Variants in ARHGAP24 observed in about 807,000 individuals in gnomAD.
ARHGAP24 encodes the protein rho GTPase-activating protein 24.
In ARHGAP24, 50 loss-of-function variants were observed where a neutral mutation model predicts 76.4. The ratio of observed to expected loss-of-function variants is 0.65; its 90% CI spans 0.52 to 0.83. ARHGAP24 has a LOEUF of 0.83. Ranked by LOEUF, ARHGAP24 falls within the 40% of genes least tolerant of loss-of-function variation. The pLI is 0.00. For synonymous variants in ARHGAP24, 345 were observed against 323.3 expected (o/e 1.07, Z -0.72); for missense variants, 930 against 914.2 (o/e 1.02, Z -0.22).
chr4:85,903,873 G>C (rs763572354), intron 3 of ARHGAP24, among the ~76,000 whole-genome samples: 3 of 152,018 alleles, frequency 2.0e-5, no homozygotes, highest in Non-Finnish European at 4.4e-5. Flanking sequence ...GCAAAGAAAA[G>C]TTTCATAAGG....
chr4:85,930,955 G>C, intron 4 of ARHGAP24: 1 of 1,613,578 alleles, frequency 6.2e-7, no homozygotes, highest in Non-Finnish European at 8.5e-7. Flanking sequence ...GAATTCTGGG[G>C]GGTGCCCGGC....
intron 4 of ARHGAP24, among the ~76,000 whole-genome samples, chr4:85,938,271 G>A (rs990829076): frequency 3.3e-5 from 5 of 152,156 alleles, no homozygotes; most frequent in East Asian, 1.9e-4. Flanking sequence ...TACTGGGGAC[G>A]GTTTTGTCAG....
intron 9 of ARHGAP24, among the ~76,000 whole-genome samples, chr4:85,998,862 T>C (rs746659948): frequency 5.3e-5 from 8 of 152,176 alleles, no homozygotes; most frequent in Non-Finnish European, 1.0e-4. Flanking sequence ...TCTGTCCCCA[T>C]GTGAAAAAGA....
rs561651397 is a variant in ARHGAP24 at position 86,001,894 on chromosome 4, C to T, written c.*1172C>T. Reference sequence around the variant, plus strand: ...GGAGAAAAGTTTAGAAGAAACAAACCATTTTGCTTCTAATTTTGACAGTAT... The same window carrying T: ...GGAGAAAAGTTTAGAAGAAACAAACTATTTTGCTTCTAATTTTGACAGTAT... On this transcript the variant is annotated 3_prime_UTR_variant, in exon 10 of 10. Transcript: ENST00000395184. 1.2e-3 allele frequency: 188 copies of T among 153,614 alleles called. 2 individuals are homozygous for T. The highest frequency in any genetic ancestry group is 2.3e-3 in the Non-Finnish European group (159 of 69,004). 9.5% of individuals were successfully genotyped at this position (153,614 alleles called of 1,614,324 possible).
chr4:85,771,006 T>A (rs1727111801), intron 3 of ARHGAP24, among the ~76,000 whole-genome samples: 1 of 152,248 alleles, frequency 6.6e-6, no homozygotes, highest in South Asian at 2.1e-4. Flanking sequence ...ATTTTTTAAA[T>A]AATCAAAATA....
chr4:85,662,596 C>T (rs1281787164), intron 2 of ARHGAP24, among the ~76,000 whole-genome samples: 1 of 151,700 alleles, frequency 6.6e-6, no homozygotes, highest in Admixed American at 6.6e-5. Flanking sequence ...CTTGCCCATG[C>T]CTATGTCCTG....
intron 3 of ARHGAP24, chr4:85,827,934 C>T (rs1189016472): frequency 7.8e-7 from 1 of 1,289,602 alleles, no homozygotes; most frequent in Non-Finnish European, 1.0e-6. Flanking sequence ...GCAAGTGCAG[C>T]CTGCATTTGT....
intron 1 of ARHGAP24, among the ~76,000 whole-genome samples, chr4:85,546,495 G>T (rs1725927103): frequency 6.6e-6 from 1 of 152,148 alleles, no homozygotes; most frequent in Non-Finnish European, 1.5e-5. Context: ...GCACAATTCT[G>T]TTAAAAGATC....
At chr4:85,779,818 C>G (rs1727458234) in intron 3 of ARHGAP24, among the ~76,000 whole-genome samples, 1 of 152,144 alleles carries the variant, frequency 6.6e-6, no homozygotes, top group Non-Finnish European at 1.5e-5. Flanking sequence ...CCCTGGCTAG[C>G]TGGTATATAA....
At chr4:85,899,198 T>C (rs576185367) in intron 3 of ARHGAP24, among the ~76,000 whole-genome samples, 1 of 152,338 alleles carries the variant, frequency 6.6e-6, no homozygotes, top group African/African-American at 2.4e-5. Context: ...ATCTGTATTT[T>C]GTAAAGAAAA....
chr4:85,949,729 A>G (rs1239218084), intron 5 of ARHGAP24, among the ~76,000 whole-genome samples: 4 of 152,204 alleles, frequency 2.6e-5, no homozygotes, highest in East Asian at 1.9e-4. Flanking sequence ...AATTCAGCTT[A>G]AAAAGGGGAG....
chr4:85,626,854 C>T (rs556718862), intron 2 of ARHGAP24, among the ~76,000 whole-genome samples: 1 of 152,306 alleles, frequency 6.6e-6, no homozygotes, highest in South Asian at 2.1e-4. Flanking sequence ...ACTCTTTCTT[C>T]TAGTTGATCG....
chr4:85,938,422 G>A (rs1736776294), intron 4 of ARHGAP24, among the ~76,000 whole-genome samples: 1 of 152,058 alleles, frequency 6.6e-6, no homozygotes, highest in Non-Finnish European at 1.5e-5. Context: ...GTGCTTTTAT[G>A]TTAATTTAAA....
At position 85,664,490 on chromosome 4, in the gene ARHGAP24, G is replaced by T. The variant is rs1310873070; in HGVS notation, c.181-57395G>T. Among the ~76,000 whole-genome samples the T allele has an allele frequency of 2.0e-5, 3 of 147,826 alleles. 1 individual carries two copies. The highest frequency in any genetic ancestry group is 5.3e-5 in the African/African-American group (2 of 37,554). ...CCTGGATTCATTAATTTTTTGAAGGGTTTTTTTGTGTCTCTATTTCCTTCA... is the reference window on the plus strand; with the variant it reads ...CCTGGATTCATTAATTTTTTGAAGGTTTTTTTTGTGTCTCTATTTCCTTCA... On this transcript the variant is annotated intron_variant, in intron 2 of 9. Transcript: ENST00000395184.
At chr4:85,655,818 A>AGAAAGAG (rs1237643654) in intron 2 of ARHGAP24, among the ~76,000 whole-genome samples, 2 of 35,526 alleles carry the variant, frequency 5.6e-5, no homozygotes, top group Non-Finnish European at 1.0e-4. Flanking sequence ...GAGAGAGAGA[A>AGAAAGAG]AGAGAGAGAG....
chr4:85,804,640 CAAACT>C (rs1184571416), intron 3 of ARHGAP24, among the ~76,000 whole-genome samples: 9 of 152,286 alleles, frequency 5.9e-5, no homozygotes, highest in Admixed American at 2.0e-4. Flanking sequence ...CAGGATATCA[CAAACT>C]GATGAATTTC....
At chr4:85,815,719 T>C (rs1729208359) in intron 3 of ARHGAP24, among the ~76,000 whole-genome samples, 1 of 152,252 alleles carries the variant, frequency 6.6e-6, no homozygotes, top group Admixed American at 6.5e-5. Flanking sequence ...TGTTCCAGCC[T>C]CTGCCTGTTA....
At chr4:85,599,091 T>C (rs1719945544) in intron 2 of ARHGAP24, among the ~76,000 whole-genome samples, 1 of 152,188 alleles carries the variant, frequency 6.6e-6, no homozygotes, top group Admixed American at 6.5e-5. Context: ...AATAACCACT[T>C]GTAGCTAGTG....
chr4:85,884,155 A>G (rs76415930), intron 3 of ARHGAP24, among the ~76,000 whole-genome samples: 1,871 of 152,290 alleles, frequency 0.012, 42 homozygotes, highest in African/African-American at 0.043. Flanking sequence ...AACTGCTCCA[A>G]TCATTAGTTA....
Sources: allele counts gnomAD v4.1 joint callset (sites outside exome capture counted in the v4.1 genomes callset), GRCh38; gene constraint gnomAD v4.1.1; transcripts MANE v1.5; gene names NCBI Gene and HGNC (gene_info 2026-07-23, HGNC 2026-07-21).